The following NLRP11 variants were observed in gnomAD, a reference collection of about 807,000 sequenced individuals.
NLRP11 encodes the protein NLR family pyrin domain containing 11, also known as NACHT, LRR and PYD domains-containing protein 11.
Under a neutral mutation model 79.3 loss-of-function variants are expected in NLRP11, and 53 were observed. That is an observed-to-expected ratio of 0.67 (90% CI 0.54 to 0.84). The LOEUF is 0.84. Ranked by LOEUF, NLRP11 falls within the 40% of genes least tolerant of loss-of-function variation. The pLI, the probability that NLRP11 is intolerant of heterozygous loss-of-function variation, is 0.00. For synonymous variants in NLRP11, 518 were observed against 462.6 expected (o/e 1.12, Z -1.54); for missense variants, 1,264 against 1,255.0 (o/e 1.01, Z -0.11).
exon 5 of NLRP11, chr19:55,801,581 C>T (rs1057025243): frequency 3.1e-6 from 5 of 1,614,000 alleles, no homozygotes; most frequent in Non-Finnish European, 4.2e-6. Context: ...CCTCAGATGA[C>T]TTATTTGGCA....
chr19:55,791,380 A>G (rs1568627068), intron 7 of NLRP11, among the ~76,000 whole-genome samples: 1 of 152,218 alleles, frequency 6.6e-6, no homozygotes, highest in South Asian at 2.1e-4. Context: ...ATATCCCTAC[A>G]ATTTCCTATT....
At chr19:55,831,130 A>ACCCCCCCCATCCCC (rs1982742096) in intron 1 of NLRP11, among the ~76,000 whole-genome samples, 1 of 10,006 alleles carries the variant, frequency 1.0e-4, no homozygotes, top group Non-Finnish European at 2.2e-4. Context: ...CCCCCCGCCC[A>ACCCCCCCCATCCCC]CAACCAACTG....
At chr19:55,815,899 C>T (rs1283772973) in intron 2 of NLRP11, among the ~76,000 whole-genome samples, 2 of 151,972 alleles carry the variant, frequency 1.3e-5, no homozygotes, top group East Asian at 3.9e-4. Context: ...GAAGCCTAAA[C>T]AAAAAGATAC....
At chr19:55,814,991 A>G (rs987180418) in intron 2 of NLRP11, among the ~76,000 whole-genome samples, 1 of 152,264 alleles carries the variant, frequency 6.6e-6, no homozygotes, top group Admixed American at 6.5e-5. Flanking sequence ...TTAAGTATAC[A>G]TAATTTGTAT....
chr19:55,797,912 C>T (rs1006085954), intron 5 of NLRP11, among the ~76,000 whole-genome samples: 20 of 152,178 alleles, frequency 1.3e-4, no homozygotes, highest in Non-Finnish European at 8.8e-5. Flanking sequence ...ACAAACAGTG[C>T]AGCCGCAGCA....
chr19:55,822,542 G>T (rs1308388553), intron 1 of NLRP11, among the ~76,000 whole-genome samples: 1 of 151,868 alleles, frequency 6.6e-6, no homozygotes, highest in East Asian at 1.9e-4. Context: ...GTGGGCGCAG[G>T]TCAGTGGATG....
upstream of NLRP11, among the ~76,000 whole-genome samples, chr19:55,835,350 TA>T (rs1190383330): frequency 6.6e-6 from 1 of 152,252 alleles, no homozygotes; most frequent in Non-Finnish European, 1.5e-5. Flanking sequence ...ACCTTGCGTC[TA>T]AAAAACTTAG....
At chr19:55,796,280 G>A (rs551482826) in intron 5 of NLRP11, 30 bp from the exon 6 acceptor site, 9 of 1,582,074 alleles carry the variant, frequency 5.7e-6, no homozygotes. Context: ...ATGAAAAGAG[G>A]CTCCCGCGTT....
chr19:55,827,448 C>A (rs900045577), intron 1 of NLRP11, among the ~76,000 whole-genome samples: 4,561 of 150,618 alleles, frequency 0.03, 150 homozygotes, highest in African/African-American at 0.082. Flanking sequence ...TTCTGCACAG[C>A]AAAAGAAACT....
At chr19:55,806,643 C>T (rs1980021533) in intron 4 of NLRP11, among the ~76,000 whole-genome samples, 1 of 152,150 alleles carries the variant, frequency 6.6e-6, no homozygotes, top group Non-Finnish European at 1.5e-5. Flanking sequence ...ACGCGGTATC[C>T]AGAATGAGCT....
In NLRP11 at chr19:55,809,540, C is replaced by T. The variant is rs773488112; in HGVS notation, c.1070G>A (p.Arg357His). ...TGTTTGGCAGCAGAGCTGGAAGTCA[C>T]GCCCCTTGTCCATCTGCCGCTTCAG... The change falls in exon 3 of 10, where the codon CGT (arginine) becomes CAT (histidine). Residue 357 changes from arginine to histidine, a missense_variant. Arg to His is a conservative substitution (Grantham distance 29). Transcript: ENST00000589093. This position sits in a 1 kb window ranked among gnomAD's most constrained non-coding sequence, Gnocchi z 4.5. 1.2e-6 allele frequency: 2 copies of T among 1,614,214 alleles called. No homozygotes were observed. The highest frequency in any genetic ancestry group is 1.7e-6 in the Non-Finnish European group (2 of 1,180,038).
rs781174802 is a variant in NLRP11 at position 55,792,487 on chromosome 19, A to G, written c.2343-16T>C. 1.9e-6 allele frequency: 3 copies of G among 1,611,482 alleles called. No individual in the cohort carries two copies. Among genetic ancestry groups the G allele is most frequent in the Non-Finnish European group, 2.5e-6 (3 of 1,177,958 alleles). Reference sequence around the variant, plus strand: ...GAAGACTAACCTGCACACAGAGAAGAGTGAGTCAGTGACAGTGTGAGCACC... The same window carrying G: ...GAAGACTAACCTGCACACAGAGAAGGGTGAGTCAGTGACAGTGTGAGCACC... On this transcript the variant is annotated splice_polypyrimidine_tract_variant and intron_variant, in intron 6 of 9. Coordinates refer to ENST00000589093, the Ensembl canonical transcript of NLRP11.
At chr19:55,820,065 C>A (rs1027074938) in intron 1 of NLRP11, among the ~76,000 whole-genome samples, 1 of 152,100 alleles carries the variant, frequency 6.6e-6, no homozygotes, top group African/African-American at 2.4e-5. Flanking sequence ...CATTGCTATG[C>A]CAATCCCCAG....
At chr19:55,824,028 C>T (rs1982069747) in intron 1 of NLRP11, among the ~76,000 whole-genome samples, 1 of 108,498 alleles carries the variant, frequency 9.2e-6, no homozygotes, top group Admixed American at 9.4e-5. Flanking sequence ...GTCGGGTTAC[C>T]CTCAAAGGGA....
intron 9 of NLRP11, among the ~76,000 whole-genome samples, chr19:55,787,086 GC>G: frequency 1.3e-5 from 2 of 152,126 alleles, no homozygotes; most frequent in East Asian, 3.8e-4. Flanking sequence ...GAAATGAGTT[GC>G]CCCTCCTGTA....
chr19:55,805,019 C>T (rs1289972863), intron 4 of NLRP11, among the ~76,000 whole-genome samples: 2 of 108 alleles, frequency 0.019, no homozygotes, highest in Non-Finnish European at 0.034. Context: ...GCTGAGATCA[C>T]GCACTGCACT....
At chr19:55,816,361 T>C (rs1437739757) in intron 2 of NLRP11, among the ~76,000 whole-genome samples, 1 of 152,186 alleles carries the variant, frequency 6.6e-6, no homozygotes, top group African/African-American at 2.4e-5. Context: ...CATCCAACAC[T>C]GGAGTCCTCA....
At position 55,809,029 on chromosome 19, in the gene NLRP11, T is replaced by C; in HGVS notation, c.1581A>G (p.Gly527=). ...GGTCACGGTCCAAATGTTTCATGTA[T>C]CCCACCGAGTACCACTTGAAGCTGT... is the stretch of plus-strand genomic sequence containing the variant. Residue 527 remains glycine, a synonymous_variant, in exon 3 of 10, where the codon GGA becomes GGG. Coordinates refer to ENST00000589093, the Ensembl canonical transcript of NLRP11. This position sits in a 1 kb window ranked among gnomAD's most constrained non-coding sequence, Gnocchi z 4.5. The C allele has an allele frequency of 6.2e-7, 1 of 1,614,126 alleles. No homozygotes were observed. Among genetic ancestry groups the C allele is most frequent in the Admixed American group, 1.7e-5 (1 of 60,020 alleles).
At chr19:55,800,091 A>G (rs1471938772) in intron 5 of NLRP11, among the ~76,000 whole-genome samples, 1 of 152,210 alleles carries the variant, frequency 6.6e-6, no homozygotes, top group African/African-American at 2.4e-5. Flanking sequence ...CTTACAAGAC[A>G]AAGCAGCTTG....
Sources: gnomAD v4.1 joint callset for allele counts (sites outside exome capture counted in the v4.1 genomes callset) on GRCh38, gnomAD v4.1.1 for gene constraint, Gnocchi (gnomAD v3.1) non-coding constraint, MANE v1.5 for transcripts, NCBI Gene and HGNC (gene_info 2026-07-23, HGNC 2026-07-21) for gene names.